Variants in ATP1A2 observed in about 807,000 individuals in gnomAD.
ATP1A2 encodes ATPase Na+/K+ transporting subunit alpha 2.
A neutral mutation model predicts 113.1 loss-of-function variants in ATP1A2; 56 were observed. The observed-to-expected ratio is 0.49, with a 90% confidence interval of 0.40 to 0.62. The LOEUF (loss-of-function observed/expected upper bound fraction) is 0.62. ATP1A2 is among the 20% of genes least tolerant of loss of function. ATP1A2 has a pLI of 0.00. For synonymous variants in ATP1A2, 490 were observed against 526.8 expected (o/e 0.93, Z 0.96); for missense variants, 712 against 1,357.8 (o/e 0.52, Z 7.47).
chr1:160,141,494 C>T lies in ATP1A2; in HGVS notation c.*172C>T. ...CGGGGTATATAAATTGGGGTGATGA[C>T]CCCATAGACCTAACTGTGAACAATC... is the stretch of plus-strand genomic sequence containing the variant. On this transcript the variant is annotated 3_prime_UTR_variant, in exon 23 of 23. Transcript: ENST00000361216. The T allele has an allele frequency of 1.3e-6, 1 of 759,692 alleles. No individual in the cohort carries two copies. The highest frequency in any genetic ancestry group is 2.3e-6 in the Non-Finnish European group (1 of 436,316). The allele number at this position is 759,692 out of a possible 1,614,324, so 47.1% of individuals were successfully genotyped here.
chr1:160,128,296 T>G, intron 8 of ATP1A2: 1 of 497,608 alleles, frequency 2.0e-6, no homozygotes, highest in Non-Finnish European at 3.8e-6. Context: ...CCTACACTGA[T>G]TCTCAGGCCT....
chr1:160,140,049 C>T lies in ATP1A2; in HGVS notation c.3034+65C>T, dbSNP rs1202363219. ...CACCACCAGCTCCTCCCTCCAGGAC[C>T]ACACGCAGACTCCACTCCCACTACT... is the stretch of plus-strand genomic sequence containing the variant. On this transcript the variant is annotated intron_variant, in intron 22 of 22. Transcript: ENST00000361216. The T allele has an allele frequency of 3.4e-6, 5 of 1,473,088 alleles. No homozygotes were observed. In the East Asian group the frequency reaches 9.0e-5, roughly 27 times the overall value. 91.3% of individuals were successfully genotyped at this position (1,473,088 alleles called of 1,614,324 possible).
chr1:160,116,544 C>CG (rs1651191717), intron 1 of ATP1A2, among the ~76,000 whole-genome samples: 2 of 150,982 alleles, frequency 1.3e-5, no homozygotes, highest in South Asian at 4.3e-4. Flanking sequence ...ACAGGTGACC[C>CG]CCCCCCCAGT....
At chr1:160,121,758 G>A (rs767331490) in intron 3 of ATP1A2, among the ~76,000 whole-genome samples, 1 of 152,248 alleles carries the variant, frequency 6.6e-6, no homozygotes, top group African/African-American at 2.4e-5. Flanking sequence ...GAGAGGGAGA[G>A]TAACTTCCCA....
In ATP1A2 at chr1:160,129,382, C is replaced by T. The variant is rs755611387; in HGVS notation, c.1443C>T (p.Asn481=). The change falls in exon 11 of 23, where the codon AAC becomes AAT. Residue 481 remains asparagine, a synonymous_variant. Transcript: ENST00000361216. ...RNPKVAEIPF[N]STNKYQLSIH... The stretch of plus-strand genomic sequence containing the variant: ...CCAAGGTGGCAGAGATTCCTTTCAA[C>T]TCTACCAACAAGTACCAGGTCTGCT... 9 of 1,613,782 alleles carry T rather than the reference C, an allele frequency of 5.6e-6. No homozygotes were observed. Among genetic ancestry groups the T allele is most frequent in the South Asian group, 2.2e-5 (2 of 91,078 alleles).
chr1:160,121,535 A>G (rs1271673000), intron 3 of ATP1A2, among the ~76,000 whole-genome samples: 1 of 152,238 alleles, frequency 6.6e-6, no homozygotes, highest in Non-Finnish European at 1.5e-5. Flanking sequence ...GCCCTTCCCT[A>G]TACCCCAAGC....
chr1:160,140,187 G>A (rs890099810), intron 22 of ATP1A2: 86 of 598,458 alleles, frequency 1.4e-4, no homozygotes, highest in Admixed American at 4.0e-4. Context: ...TCTAAACCCC[G>A]CCTAACTCAC....
Position 160,135,999 on chromosome 1 carries a change from C to A in ATP1A2, c.2439+6C>A, listed in dbSNP as rs374355050. 5.6e-6 allele frequency: 9 copies of A among 1,613,826 alleles called. No homozygotes were observed. Among genetic ancestry groups the A allele is most frequent in the Admixed American group, 5.0e-5 (3 of 59,988 alleles). On this transcript the variant is annotated splice_donor_region_variant and intron_variant, in intron 17 of 22. Coordinates refer to ENST00000361216, the MANE Select transcript of ATP1A2 (RefSeq NM_000702.4). The surrounding 1 kb of genome is among the most constrained non-coding windows in gnomAD (Gnocchi z 6.3). ...TTGACCTGGGCACAGATATGGTGAGCGCAGGAGGTGGAGGAGGGGACAGGC... is the reference window on the plus strand; with the variant it reads ...TTGACCTGGGCACAGATATGGTGAGAGCAGGAGGTGGAGGAGGGGACAGGC...
chr1:160,128,281 C>T, intron 8 of ATP1A2: 3 of 463,384 alleles, frequency 6.5e-6, no homozygotes, highest in Non-Finnish European at 1.2e-5. Context: ...TCCCTTCCTG[C>T]TCCCCCTACA....
chr1:160,127,474 C>T, intron 7 of ATP1A2, 78 bp from the exon 8 acceptor site: 1 of 1,604,314 alleles, frequency 6.2e-7, no homozygotes, highest in Non-Finnish European at 8.5e-7. Flanking sequence ...TGATGATTTT[C>T]CTTGCTCAGG....
intron 22 of ATP1A2, chr1:160,140,641 G>C: frequency 6.0e-6 from 1 of 167,174 alleles, no homozygotes; most frequent in Non-Finnish European, 1.3e-5. Context: ...CCACATCTCT[G>C]CACAGCAAGA....
At chr1:160,134,097 CACGCACACATACACA>C (rs1482144251) in intron 13 of ATP1A2, among the ~76,000 whole-genome samples, 55 of 145,330 alleles carry the variant, frequency 3.8e-4, no homozygotes, top group Non-Finnish European at 4.4e-4. Flanking sequence ...ATCTCACACA[CACGCACACATACACA>C]AATCCCCACC....
At chr1:160,140,625 C>A (rs1480064415) in intron 22 of ATP1A2, 6 of 167,852 alleles carry the variant, frequency 3.6e-5, no homozygotes, top group Non-Finnish European at 5.2e-5. Context: ...GCTGTTAATC[C>A]CATGTCCACA....
intron 8 of ATP1A2, chr1:160,128,385 C>T: frequency 1.1e-6 from 1 of 924,346 alleles, no homozygotes. Flanking sequence ...GTTGATGACT[C>T]AGACATCCCT....
intron 22 of ATP1A2, 156 bp downstream of exon 22, chr1:160,140,140 T>C: frequency 1.3e-6 from 1 of 746,228 alleles, no homozygotes; most frequent in Non-Finnish European, 2.3e-6. Flanking sequence ...GCCCTGACTC[T>C]TTCGAACCTG....
At chr1:160,131,255 T>C (rs1344059258) in intron 13 of ATP1A2, among the ~76,000 whole-genome samples, 1 of 152,166 alleles carries the variant, frequency 6.6e-6, no homozygotes, top group Non-Finnish European at 1.5e-5. Flanking sequence ...AATCAGGCAC[T>C]ATTCTAAGCA....
At position 160,124,448 on chromosome 1, in the gene ATP1A2, G is replaced by C; in HGVS notation, c.630+18G>C. 6.3e-7 allele frequency: 1 copy of C among 1,596,422 alleles called. No homozygotes were observed. The highest frequency in any genetic ancestry group is 8.5e-7 in the Non-Finnish European group (1 of 1,171,172). On this transcript the variant is annotated intron_variant, in intron 6 of 22. Transcript: ENST00000361216. Reference sequence around the variant, plus strand: ...GCTGTAAGGTGAGGAGGTCATACCAGAGCAAGCAGTTGAGTCTAAGGAGAA... The same window carrying C: ...GCTGTAAGGTGAGGAGGTCATACCACAGCAAGCAGTTGAGTCTAAGGAGAA...
chr1:160,124,336 A>C lies in ATP1A2; in HGVS notation c.536A>C (p.Asn179Thr). ...CGGGAGGGAGAGAAGATGCAGATCA[A>C]CGCAGAGGAAGTGGTGGTGGGAGAC... ...VIREGEKMQI[N>T]AEEVVVGDLV... Residue 179 changes from asparagine to threonine, a missense_variant, in exon 6 of 23, where the codon AAC (asparagine) becomes ACC (threonine). Coordinates refer to ENST00000361216, the MANE Select transcript of ATP1A2 (RefSeq NM_000702.4). The C allele has an allele frequency of 1.9e-6, 3 of 1,611,804 alleles. 1 individual carries two copies. In the South Asian group the frequency reaches 3.3e-5, roughly 18 times the overall value.
chr1:160,116,882 G>A (rs1213516342), intron 1 of ATP1A2, among the ~76,000 whole-genome samples: 1 of 152,116 alleles, frequency 6.6e-6, no homozygotes, highest in African/African-American at 2.4e-5. Flanking sequence ...CCTGAGCCTG[G>A]ACACCAGGGT....
Sources: allele counts gnomAD v4.1 joint callset (sites outside exome capture counted in the v4.1 genomes callset), GRCh38; gene constraint gnomAD v4.1.1; non-coding constraint Gnocchi (gnomAD v3.1); transcripts MANE v1.5; gene names NCBI Gene and HGNC (gene_info 2026-07-23, HGNC 2026-07-21).